Variants in MARCHF4 observed in about 807,000 individuals in gnomAD.
MARCHF4 encodes E3 ubiquitin-protein ligase MARCHF4.
In MARCHF4, 14 loss-of-function variants were observed where a neutral mutation model predicts 43.9. That is an observed-to-expected ratio of 0.32 (90% CI 0.21 to 0.50). The LOEUF is 0.50. Ranked by LOEUF, MARCHF4 falls within the 20% of genes least tolerant of loss-of-function variation. MARCHF4 has a pLI of 0.98. For synonymous variants in MARCHF4, 226 were observed against 213.3 expected (o/e 1.06, Z -0.52); for missense variants, 468 against 536.7 (o/e 0.87, Z 1.27).
intron 1 of MARCHF4, among the ~76,000 whole-genome samples, chr2:216,290,645 A>G (rs944624497): frequency 5.3e-5 from 8 of 152,192 alleles, no homozygotes; most frequent in African/African-American, 1.4e-4. Flanking sequence ...TGTTGTGTTC[A>G]TCCAGGTGAG....
At chr2:216,305,816 G>A (rs895124471) in intron 1 of MARCHF4, among the ~76,000 whole-genome samples, 12 of 152,122 alleles carry the variant, frequency 7.9e-5, no homozygotes, top group Admixed American at 1.3e-4. Flanking sequence ...CTTGCCAACC[G>A]TCTCCCTGTA....
intron 1 of MARCHF4, among the ~76,000 whole-genome samples, chr2:216,294,018 C>T (rs6721609): frequency 0.15 from 22,272 of 149,124 alleles, 3,265 homozygotes; most frequent in South Asian, 0.26. Context: ...TAAAGACTGA[C>T]CTGCTCTCAG....
intron 1 of MARCHF4, among the ~76,000 whole-genome samples, chr2:216,339,879 G>A (rs1014039041): frequency 5.3e-5 from 8 of 152,006 alleles, no homozygotes; most frequent in African/African-American, 1.5e-4. Flanking sequence ...AGCCTCGGGG[G>A]ACTTAAGCAC....
intron 1 of MARCHF4, among the ~76,000 whole-genome samples, chr2:216,302,897 CAAAAAAA>C (rs201503998): frequency 4.9e-4 from 38 of 78,350 alleles, no homozygotes; most frequent in African/African-American, 8.1e-4. Context: ...GACTCTGTAT[CAAAAAAA>C]AAAAAAAAAA....
At chr2:216,338,689 C>A (rs1334027130) in intron 1 of MARCHF4, among the ~76,000 whole-genome samples, 15 of 152,156 alleles carry the variant, frequency 9.9e-5, no homozygotes, top group Non-Finnish European at 1.9e-4. Flanking sequence ...CCCACATGAA[C>A]CATCTAGCAT....
At chr2:216,298,357 G>A (rs966767672) in intron 1 of MARCHF4, among the ~76,000 whole-genome samples, 7 of 142,496 alleles carry the variant, frequency 4.9e-5, no homozygotes, top group African/African-American at 7.6e-5. Context: ...CCTTGACCTC[G>A]CAGGCTCAAG....
Position 216,283,696 on chromosome 2 carries a change from A to G in MARCHF4, c.550T>C (p.Ser184Pro). The change falls in exon 2 of 4, where the codon TCG (serine) becomes CCG (proline). Residue 184 changes from serine to proline, a missense_variant. By Grantham distance (74) the Ser-to-Pro change is moderately conservative. Transcript: ENST00000273067. Reference protein sequence around the residue: ...ELLSPCRCDGSVKCTHQPCLI... With the variant: ...ELLSPCRCDGPVKCTHQPCLI... ...CAAGGCTGGTGTGTGCACTTGACCG[A>G]GCCATCACAGCGGCATGGGCTCAGC... is the stretch of plus-strand genomic sequence containing the variant. The G allele has an allele frequency of 6.2e-7, 1 of 1,611,808 alleles. No homozygotes were observed. The highest frequency in any genetic ancestry group is 8.5e-7 in the Non-Finnish European group (1 of 1,178,106).
intron 1 of MARCHF4, among the ~76,000 whole-genome samples, chr2:216,296,188 C>CA (rs541890663): frequency 6.6e-6 from 1 of 150,820 alleles, no homozygotes; most frequent in Non-Finnish European, 1.5e-5. Context: ...AATAAAAGTA[C>CA]AAAAAAAATT....
chr2:216,296,381 C>A (rs961611646), intron 1 of MARCHF4, among the ~76,000 whole-genome samples: 2 of 152,006 alleles, frequency 1.3e-5, no homozygotes, highest in African/African-American at 4.8e-5. Context: ...ATACCCCAGC[C>A]CTTTCTGCAC....
chr2:216,283,440 T>C, intron 2 of MARCHF4, 134 bp downstream of exon 2: 1 of 1,062,334 alleles, frequency 9.4e-7, no homozygotes, highest in Non-Finnish European at 1.4e-6. Flanking sequence ...CCGCCCACCG[T>C]GCTTGCCCAC....
intron 1 of MARCHF4, among the ~76,000 whole-genome samples, chr2:216,314,914 A>C (rs1691749575): frequency 6.6e-6 from 1 of 152,188 alleles, no homozygotes; most frequent in South Asian, 2.1e-4. Flanking sequence ...AGCCCTTTCT[A>C]AATGTGACTC....
intron 1 of MARCHF4, among the ~76,000 whole-genome samples, chr2:216,337,792 G>T (rs13382565): frequency 2.8e-4 from 43 of 152,206 alleles, no homozygotes; most frequent in African/African-American, 9.6e-4. Flanking sequence ...CTACAGCATT[G>T]CTTGGAGACT....
chr2:216,350,102 A>G (rs1309419287), intron 1 of MARCHF4, among the ~76,000 whole-genome samples: 1 of 151,766 alleles, frequency 6.6e-6, no homozygotes, highest in African/African-American at 2.4e-5. Context: ...CTATGCCACA[A>G]CACAACCATG....
rs1015510970 is a variant in MARCHF4 at position 216,262,960 on chromosome 2, C to G, written c.866-3281G>C. ...AAACGGACAAACAAATGAACAAACC[C>G]CAGATATTTCCAAATGCCTCCGGGG... On this transcript the variant is annotated intron_variant, in intron 3 of 3. Transcript: ENST00000273067. Among the ~76,000 whole-genome samples the G allele has an allele frequency of 3.3e-5, 5 of 152,102 alleles. No individual in the cohort carries two copies. The East Asian group carries it at 9.6e-4, about 29-fold the overall frequency.
rs183343583 is a variant in MARCHF4, at chr2:216,297,588, C to G, written c.517-13859G>C. ...GTGCAGTGGCACAATCTCAGCTCAC[C>G]GCAACGTCCGCCTCCCCTGGGTTCA... On this transcript the variant is annotated intron_variant, in intron 1 of 3. Coordinates refer to ENST00000273067, the MANE Select transcript of MARCHF4 (RefSeq NM_020814.3). Among the ~76,000 whole-genome samples the G allele has an allele frequency of 3.3e-5, 5 of 152,260 alleles. No homozygotes were observed. In the East Asian group the frequency reaches 5.8e-4, roughly 18 times the overall value.
chr2:216,266,506 T>G (rs1202301022), intron 3 of MARCHF4, among the ~76,000 whole-genome samples: 1 of 152,164 alleles, frequency 6.6e-6, no homozygotes, highest in African/African-American at 2.4e-5. Context: ...AAGTCATTGT[T>G]TATAGATGAA....
chr2:216,363,551 A>G (rs75744557), intron 1 of MARCHF4, among the ~76,000 whole-genome samples: 2,748 of 152,314 alleles, frequency 0.018, 79 homozygotes, highest in African/African-American at 0.062. Flanking sequence ...CCTTGAGTGA[A>G]GAAAAGGTTC....
At chr2:216,277,356 A>C (rs1691041760) in intron 3 of MARCHF4, among the ~76,000 whole-genome samples, 1 of 152,198 alleles carries the variant, frequency 6.6e-6, no homozygotes, top group African/African-American at 2.4e-5. Flanking sequence ...AGTGGAGAGG[A>C]GGCCATGCAC....
rs146333202 is a variant in MARCHF4, at chr2:216,321,784, T to C, written c.517-38055A>G. The stretch of plus-strand genomic sequence containing the variant: ...TGTCTTCTGGACTTCTTGGTGATAC[T>C]ACTAATCAGGCGGGAGTGCTGTTGT... On this transcript the variant is annotated intron_variant, in intron 1 of 3. Transcript: ENST00000273067. The C allele has an allele frequency of 7.9e-5, 12 of 152,366 alleles. No homozygotes were observed. The East Asian group carries it at 9.6e-4, about 12-fold the overall frequency. The allele number at this position is 152,366 out of a possible 1,614,324, so 9.4% of individuals were successfully genotyped here.
Sources: gnomAD v4.1 joint callset for allele counts (sites outside exome capture counted in the v4.1 genomes callset) on GRCh38, gnomAD v4.1.1 for gene constraint, MANE v1.5 for transcripts, NCBI Gene and HGNC (gene_info 2026-07-23, HGNC 2026-07-21) for gene names.